AKAP11: variants seen among roughly 807,000 people sequenced by gnomAD.
AKAP11 encodes the protein A-kinase anchoring protein 11.
In AKAP11, 36 loss-of-function variants were observed where a neutral mutation model predicts 146.1. The ratio of observed to expected loss-of-function variants is 0.25; its 90% CI spans 0.19 to 0.33. AKAP11 has a LOEUF of 0.33. Among genes scored for constraint, AKAP11 ranks in the 10% least tolerant of loss-of-function variants. The pLI is 1.00. For synonymous variants in AKAP11, 780 were observed against 786.5 expected (o/e 0.99, Z 0.14); for missense variants, 2,201 against 2,197.0 (o/e 1.00, Z -0.04).
At position 42,301,666 on chromosome 13, in the gene AKAP11, T is replaced by G. The variant is rs370636472; in HGVS notation, c.2920T>G (p.Ser974Ala). ...NAVYKESLPV[S>A]GEESQLTPEK... The stretch of plus-strand genomic sequence containing the variant: ...AGTATACAAGGAAAGCTTGCCTGTT[T>G]CTGGAGAAGAATCACAGTTGACACC... Residue 974 changes from serine to alanine, a missense_variant, in exon 8 of 13, where the codon TCT (serine) becomes GCT (alanine). Transcript: ENST00000025301. 282 of 1,614,042 alleles carry G rather than the reference T, an allele frequency of 1.7e-4. No homozygotes were observed. The highest frequency in any genetic ancestry group is 2.1e-4 in the Non-Finnish European group (243 of 1,180,020).
intron 7 of AKAP11, 69 bp downstream of exon 7, chr13:42,298,866 C>T: frequency 7.0e-7 from 1 of 1,432,820 alleles, no homozygotes; most frequent in Admixed American, 2.8e-5. Context: ...AATTTTAAGG[C>T]AGGCTTGTTC....
intron 1 of AKAP11, among the ~76,000 whole-genome samples, chr13:42,274,688 AAAC>A (rs765211574): frequency 2.7e-4 from 41 of 152,236 alleles, no homozygotes; most frequent in Non-Finnish European, 1.2e-4. Context: ...CTGCCTCAAA[AAAC>A]AACAACAAAA....
At chr13:42,304,792 C>A (rs950938786) in intron 8 of AKAP11, among the ~76,000 whole-genome samples, 1 of 151,800 alleles carries the variant, frequency 6.6e-6, no homozygotes, top group African/African-American at 2.4e-5. Context: ...GCACTGTTGC[C>A]CAGGCTGGAG....
intron 11 of AKAP11, among the ~76,000 whole-genome samples, chr13:42,314,446 TAAAAAA>T (rs59968668): frequency 0.53 from 65,256 of 124,162 alleles, 16,801 homozygotes; most frequent in East Asian, 0.74. Flanking sequence ...GACTCTGACT[TAAAAAA>T]AAAAAAAAAA....
intron 8 of AKAP11, among the ~76,000 whole-genome samples, chr13:42,308,221 A>C (rs1172300228): frequency 6.6e-6 from 1 of 152,214 alleles, no homozygotes; most frequent in Non-Finnish European, 1.5e-5. Flanking sequence ...TCCATTGTAG[A>C]TTAACAAAGT....
In AKAP11 at chr13:42,301,733, C is replaced by G; in HGVS notation, c.2987C>G (p.Thr996Ser). 1 of 1,614,142 alleles carries G rather than the reference C, an allele frequency of 6.2e-7. No individual in the cohort carries two copies. Among genetic ancestry groups the G allele is most frequent in the Non-Finnish European group, 8.5e-7 (1 of 1,180,002 alleles). The change falls in exon 8 of 13, where the codon ACT becomes AGT. Residue 996 changes from threonine to serine, a missense_variant. By Grantham distance (58) the Thr-to-Ser change is moderately conservative (BLOSUM62 1). Around this residue, in one of 3 missense-constraint regions of AKAP11, gnomAD observed 1,867 missense variants for 1,833.5 expected, o/e 1.02. Transcript: ENST00000025301. ...PKFPDSQNQL[T>S]HCSLSAAKDC... ...TTTCCTGACTCTCAGAATCAGTTAA[C>G]TCACTGCTCACTTTCAGCTGCAAAG...
At chr13:42,293,652 C>G (rs1489793258) in intron 4 of AKAP11, among the ~76,000 whole-genome samples, 1 of 152,166 alleles carries the variant, frequency 6.6e-6, no homozygotes. Flanking sequence ...GTGTCCTGTC[C>G]TCCAGTGGTT....
chr13:42,317,130 G>A (rs112910660), intron 11 of AKAP11, among the ~76,000 whole-genome samples: 1,801 of 152,178 alleles, frequency 0.012, 33 homozygotes, highest in African/African-American at 0.041. Flanking sequence ...TGCCCACGTC[G>A]GCCTCCCAGA....
At chr13:42,312,710 A>C (rs544216260) in intron 9 of AKAP11, among the ~76,000 whole-genome samples, 11 of 152,234 alleles carry the variant, frequency 7.2e-5, no homozygotes, top group Non-Finnish European at 1.6e-4. Flanking sequence ...CACAAATTAT[A>C]GTTCAAGATT....
chr13:42,303,350 ATGT>A lies in AKAP11; in HGVS notation c.4609_4611del (p.Val1537del), dbSNP rs1566281793. Reference sequence around the variant, plus strand: ...TTAAATGGATATGGTTGTGGAGACAATGTTGTTCAAGCTGTAGAACAGTATGCC... The same window carrying A: ...TTAAATGGATATGGTTGTGGAGACAATGTTCAAGCTGTAGAACAGTATGCC... On this transcript the variant is annotated inframe_deletion, in exon 8 of 13. Coordinates refer to ENST00000025301, the MANE Select transcript of AKAP11 (RefSeq NM_016248.4). The A allele has an allele frequency of 3.1e-6, 5 of 1,612,862 alleles. No homozygotes were observed. Among genetic ancestry groups the A allele is most frequent in the Non-Finnish European group, 4.2e-6 (5 of 1,180,028 alleles).
chr13:42,296,235 A>G (rs570070817), intron 5 of AKAP11, among the ~76,000 whole-genome samples: 6 of 152,266 alleles, frequency 3.9e-5, no homozygotes, highest in Non-Finnish European at 7.4e-5. Context: ...AGGAAATAAC[A>G]TTTTTAGGTC....
intron 1 of AKAP11, among the ~76,000 whole-genome samples, chr13:42,285,528 C>T (rs1220317038): frequency 6.6e-6 from 1 of 152,196 alleles, no homozygotes; most frequent in Non-Finnish European, 1.5e-5. Context: ...TCTTGTTTCT[C>T]TTGTATCCAT....
intron 3 of AKAP11, 144 bp downstream of exon 3, chr13:42,286,543 G>A: frequency 5.8e-6 from 3 of 521,528 alleles, no homozygotes; most frequent in South Asian, 3.9e-5. Context: ...AGATTGGCAT[G>A]TATGAAAATA....
chr13:42,280,726 G>A (rs1038732640), intron 1 of AKAP11, among the ~76,000 whole-genome samples: 1 of 152,150 alleles, frequency 6.6e-6, no homozygotes, highest in Non-Finnish European at 1.5e-5. Flanking sequence ...TGGGCAAGGA[G>A]GGATAAAGGA....
intron 4 of AKAP11, among the ~76,000 whole-genome samples, chr13:42,292,919 A>G (rs1363939002): frequency 2.0e-5 from 3 of 152,204 alleles, no homozygotes; most frequent in Admixed American, 6.5e-5. Context: ...TAAAAATGAA[A>G]AAGTAGTGAT....
chr13:42,300,449 A>T lies in AKAP11; in HGVS notation c.1703A>T (p.Asp568Val), dbSNP rs766922509. 7.4e-6 allele frequency: 12 copies of T among 1,613,864 alleles called. No homozygotes were observed. The highest frequency in any genetic ancestry group is 1.6e-4 in the Middle Eastern group (1 of 6,082). The change falls in exon 8 of 13, where the codon GAC (aspartate) becomes GTC (valine). Residue 568 changes from aspartate (D) to valine (V), a missense_variant. Transcript: ENST00000025301. ...AAAAGTTTTGGCAGTGCATTTAAAG[A>T]CTTACAGAAAGGAGTCTCTTCATGT... ...VEKSFGSAFK[D>V]LQKGVSSCTN...
chr13:42,314,065 T>G (rs766042340), intron 11 of AKAP11, 125 bp downstream of exon 11: 55 of 898,568 alleles, frequency 6.1e-5, no homozygotes, highest in Non-Finnish European at 8.8e-5. Context: ...ATCAGGGTAT[T>G]CTTGAACTAA....
Position 42,319,327 on chromosome 13 carries a change from G to A in AKAP11, c.*99G>A, listed in dbSNP as rs1437400844. The A allele has an allele frequency of 2.8e-6, 4 of 1,453,638 alleles. No individual in the cohort carries two copies. Among genetic ancestry groups the A allele is most frequent in the South Asian group, 2.7e-5 (2 of 73,968 alleles). 90.0% of individuals were successfully genotyped at this position (1,453,638 alleles called of 1,614,324 possible). ...AATTTGAATAGTGAATATTAACATCGTAAGTCAGTTGGGAGGCAAGTAAAT... is the reference window on the plus strand; with the variant it reads ...AATTTGAATAGTGAATATTAACATCATAAGTCAGTTGGGAGGCAAGTAAAT... On this transcript the variant is annotated 3_prime_UTR_variant, in exon 13 of 13. Transcript: ENST00000025301.
In AKAP11 at chr13:42,321,275, TTG is replaced by T. The variant is rs1384339160; in HGVS notation, c.*2051_*2052del. 1 of 152,350 alleles carries T rather than the reference TTG, an allele frequency of 6.6e-6. No homozygotes were observed. 9.4% of individuals were successfully genotyped at this position (152,350 alleles called of 1,614,324 possible). On this transcript the variant is annotated 3_prime_UTR_variant, in exon 13 of 13. Transcript: ENST00000025301. ...TGATGATATATTATTTTGTGAAACT[TTG>T]TGTTTGAAAATGTTTATTTCTGTTT...
Sources: allele counts gnomAD v4.1 joint callset (sites outside exome capture counted in the v4.1 genomes callset), GRCh38; gene constraint gnomAD v4.1.1; regional missense constraint gnomAD v4.1.1; transcripts MANE v1.5; gene names NCBI Gene and HGNC (gene_info 2026-07-23, HGNC 2026-07-21).